Variants in PRKCI observed in about 807,000 individuals in gnomAD.
The protein encoded by PRKCI is protein kinase C iota.
PRKCI carries 43 observed loss-of-function variants against 84.0 expected under a neutral mutation model. The observed-to-expected ratio is 0.51, with a 90% CI of 0.40 to 0.66. The LOEUF (loss-of-function observed/expected upper bound fraction) is 0.66. Among genes scored for constraint, PRKCI ranks in the 30% least tolerant of loss-of-function variants. The probability of loss-of-function intolerance (pLI) is 0.00; values close to 1 mark genes in which losing one functional copy is unlikely to be tolerated. For missense variants in PRKCI, 459 were observed against 745.6 expected (o/e 0.62, Z 4.48); for synonymous variants, 216 against 234.4 (o/e 0.92, Z 0.72).
chr3:170,222,848 G>A, intron 1 of PRKCI, 78 bp downstream of exon 1: 2 of 1,032,730 alleles, frequency 1.9e-6, no homozygotes, highest in Non-Finnish European at 2.8e-6. Flanking sequence ...GAGGGTGAGG[G>A]GCTGGAGGTG....
intron 8 of PRKCI, among the ~76,000 whole-genome samples, chr3:170,279,237 C>T (rs1162734255): frequency 1.3e-5 from 2 of 152,098 alleles, no homozygotes; most frequent in Non-Finnish European, 2.9e-5. Context: ...TGGCACATTG[C>T]CCAGGCTGGT....
intron 2 of PRKCI, among the ~76,000 whole-genome samples, chr3:170,240,949 C>T (rs1733114410): frequency 6.6e-6 from 1 of 152,184 alleles, no homozygotes; most frequent in South Asian, 2.1e-4. Context: ...CATCATGCCA[C>T]ACTCCTCTTT....
chr3:170,260,058 G>T lies in PRKCI; in HGVS notation c.313G>T (p.Val105Leu), dbSNP rs1271977652. 1.3e-6 allele frequency: 2 copies of T among 1,590,938 alleles called. No homozygotes were observed. Among genetic ancestry groups the T allele is most frequent in the African/African-American group, 1.3e-5 (1 of 74,196 alleles). The change falls in exon 3 of 18, where the codon GTG becomes TTG. Residue 105 changes from valine to leucine, a missense_variant and splice_region_variant. Val to Leu is a conservative substitution (Grantham distance 32, BLOSUM62 1). Around this residue, in one of 2 missense-constraint regions of PRKCI, gnomAD observed 250 missense variants for 319.7 expected, o/e 0.78. Coordinates refer to ENST00000295797, the MANE Select transcript of PRKCI (RefSeq NM_002740.6). ...LNKDSELLIH[V>L]FPCVPERPGM... is the part of the protein sequence containing the mutation. The stretch of plus-strand genomic sequence containing the variant: ...CAAGGATTCTGAACTCTTGATTCAT[G>T]GTAAGAGAGTAGTCATTTCATACTC...
chr3:170,279,546 T>G (rs1734195671), intron 8 of PRKCI, among the ~76,000 whole-genome samples: 1 of 152,230 alleles, frequency 6.6e-6, no homozygotes, highest in African/African-American at 2.4e-5. Context: ...GTCTTCAGGC[T>G]TCTCTGTAAA....
At chr3:170,245,756 T>C (rs1228395846) in intron 2 of PRKCI, among the ~76,000 whole-genome samples, 1 of 152,172 alleles carries the variant, frequency 6.6e-6, no homozygotes, top group African/African-American at 2.4e-5. Context: ...TTTTTTTGTT[T>C]TTGAAAGACA....
chr3:170,235,376 T>A (rs767114018), intron 2 of PRKCI, 25 bp downstream of exon 2: 1 of 1,609,450 alleles, frequency 6.2e-7, no homozygotes, highest in Non-Finnish European at 8.5e-7. Context: ...CAGGGCTGCC[T>A]GTGTAAGCAT....
At chr3:170,293,248 C>G in intron 13 of PRKCI, 135 bp from the exon 14 acceptor site, 1 of 722,912 alleles carries the variant, frequency 1.4e-6, no homozygotes, top group East Asian at 2.9e-5. Context: ...TCTTCAGTGC[C>G]TACCATGATA....
Position 170,303,182 on chromosome 3 carries a change from A to G in PRKCI, c.*55A>G. 1 of 1,356,848 alleles carries G rather than the reference A, an allele frequency of 7.4e-7. No homozygotes were observed. Among genetic ancestry groups the G allele is most frequent in the Non-Finnish European group, 1.0e-6 (1 of 974,340 alleles). The allele number at this position is 1,356,848 out of a possible 1,614,324, so 84.1% of individuals were successfully genotyped here. A position where few individuals can be genotyped will look rare whatever the true frequency, so the allele number is the denominator to read the frequency against. ...ATGTTGCCATTTAATGCATGGATAAACTTGCTGCAAGCCTGGATACAATTA... is the reference window on the plus strand; with the variant it reads ...ATGTTGCCATTTAATGCATGGATAAGCTTGCTGCAAGCCTGGATACAATTA... On this transcript the variant is annotated 3_prime_UTR_variant, in exon 18 of 18. Transcript: ENST00000295797.
At position 170,281,874 on chromosome 3, in the gene PRKCI, T is replaced by C; in HGVS notation, c.981-8T>C. The C allele has an allele frequency of 1.3e-6, 2 of 1,582,008 alleles. No homozygotes were observed. The highest frequency in any genetic ancestry group is 1.7e-6 in the Non-Finnish European group (2 of 1,167,016). On this transcript the variant is annotated splice_region_variant and splice_polypyrimidine_tract_variant and intron_variant, in intron 10 of 17. Coordinates refer to ENST00000295797, the MANE Select transcript of PRKCI (RefSeq NM_002740.6). ...TCTTGATTTCATGGGTTCTCTCCTG[T>C]GTTTTAGATTGTTCTTTGTTATAGA...
chr3:170,246,813 A>G (rs907067398), intron 2 of PRKCI, among the ~76,000 whole-genome samples: 3 of 152,200 alleles, frequency 2.0e-5, no homozygotes, highest in Admixed American at 2.0e-4. Context: ...CCCATTAAAC[A>G]ATAACTCCCT....
intron 1 of PRKCI, among the ~76,000 whole-genome samples, chr3:170,233,718 A>G (rs1274111269): frequency 6.6e-6 from 1 of 151,996 alleles, no homozygotes; most frequent in African/African-American, 2.4e-5. Flanking sequence ...ATGGGTATCT[A>G]TACTTAAACT....
intron 2 of PRKCI, among the ~76,000 whole-genome samples, chr3:170,244,300 G>T (rs1444475951): frequency 6.6e-6 from 1 of 152,152 alleles, no homozygotes; most frequent in Non-Finnish European, 1.5e-5. Context: ...GAGGAGGGCA[G>T]AGGGGCCTGG....
intron 12 of PRKCI, among the ~76,000 whole-genome samples, chr3:170,287,006 A>G (rs964991583): frequency 1.3e-5 from 2 of 152,002 alleles, no homozygotes; most frequent in Admixed American, 1.3e-4. Context: ...TCCAGTTAAC[A>G]AGGAAAGCAA....
At chr3:170,288,345 G>A (rs1201686444) in intron 12 of PRKCI, among the ~76,000 whole-genome samples, 2 of 152,104 alleles carry the variant, frequency 1.3e-5, no homozygotes, top group East Asian at 3.8e-4. Flanking sequence ...ATTTCTTACA[G>A]GGATCCTCAA....
chr3:170,281,973 G>A lies in PRKCI; in HGVS notation c.1067+5G>A, dbSNP rs1269419418. 6.2e-7 allele frequency: 1 copy of A among 1,610,072 alleles called. No homozygotes were observed. The highest frequency in any genetic ancestry group is 8.5e-7 in the Non-Finnish European group (1 of 1,178,190). On this transcript the variant is annotated splice_donor_5th_base_variant and intron_variant, in intron 11 of 17. Transcript: ENST00000295797. The stretch of plus-strand genomic sequence containing the variant: ...ACTTCCTGAAGAACATGCCAGGTGA[G>A]TTTTTGTTTACTGTTTGTGTTGTTT...
intron 9 of PRKCI, 67 bp downstream of exon 9, chr3:170,280,470 G>A (rs997144259): frequency 2.1e-5 from 29 of 1,402,380 alleles, no homozygotes; most frequent in Middle Eastern, 2.2e-4. Flanking sequence ...TTTTTGAAAC[G>A]GAGTTTCGCT....
At position 170,235,189 on chromosome 3, in the gene PRKCI, TTTTAATC is replaced by T. The variant is rs774122349; in HGVS notation, c.102-40_102-34del. 5.7e-6 allele frequency: 9 copies of T among 1,588,598 alleles called. 1 individual carries two copies. The East Asian group carries it at 2.0e-4, about 36-fold the overall frequency. ...TCAGTAATATATACAGCATTATTAT[TTTTAATC>T]ATTTTCAAACTGAAAACTCCTTTTC... On this transcript the variant is annotated intron_variant, in intron 1 of 17. Transcript: ENST00000295797.
intron 1 of PRKCI, among the ~76,000 whole-genome samples, chr3:170,227,190 G>C (rs60166737): frequency 0.081 from 12,285 of 152,068 alleles, 714 homozygotes; most frequent in Admixed American, 0.17. Flanking sequence ...TTTTTTTTAT[G>C]ATTGAAATGA....
In PRKCI at chr3:170,275,280, A is replaced by C; in HGVS notation, c.698A>C (p.Glu233Ala). ...GAGAGTTTGGATCAAGTTGGTGAAG[A>C]AAAAGAGGTAAGATAATTTGTCTTA... The part of the protein sequence containing the change: ...SHESLDQVGE[E>A]KEAMNTRESG... Residue 233 changes from glutamate (E) to alanine (A), a missense_variant, in exon 8 of 18, where the codon GAA (glutamate) becomes GCA (alanine). This residue lies in a region of PRKCI where 250 missense variants were observed against 319.7 expected (regional missense o/e 0.78). Coordinates refer to ENST00000295797, the MANE Select transcript of PRKCI (RefSeq NM_002740.6). 2 of 1,599,562 alleles carry C rather than the reference A, an allele frequency of 1.3e-6. No homozygotes were observed. The highest frequency in any genetic ancestry group is 1.7e-6 in the Non-Finnish European group (2 of 1,174,452).
Sources: allele counts gnomAD v4.1 joint callset (sites outside exome capture counted in the v4.1 genomes callset), GRCh38; gene constraint gnomAD v4.1.1; regional missense constraint gnomAD v4.1.1; transcripts MANE v1.5; gene names NCBI Gene and HGNC (gene_info 2026-07-23, HGNC 2026-07-21).